The following CACNA2D3 variants were observed in gnomAD, a reference collection of about 807,000 sequenced individuals.
The protein encoded by CACNA2D3 is calcium voltage-gated channel auxiliary subunit alpha2delta 3, also known as voltage-dependent calcium channel subunit alpha-2/delta-3.
A neutral mutation model predicts 160.6 loss-of-function variants in CACNA2D3; 60 were observed. The observed-to-expected ratio is 0.37, with a 90% CI of 0.30 to 0.46. The LOEUF (loss-of-function observed/expected upper bound fraction) is 0.46. CACNA2D3 is among the 20% of genes least tolerant of loss of function. CACNA2D3 has a pLI of 1.00. For missense variants in CACNA2D3, 1,205 were observed against 1,365.0 expected (o/e 0.88, Z 1.85); for synonymous variants, 558 against 492.9 (o/e 1.13, Z -1.75).
At chr3:54,202,573 A>G (rs1437551675) in intron 2 of CACNA2D3, among the ~76,000 whole-genome samples, 1 of 152,180 alleles carries the variant, frequency 6.6e-6, no homozygotes, top group African/African-American at 2.4e-5. Context: ...TGGTCTATTT[A>G]CTATGATTAA....
At chr3:54,523,981 T>C (rs1160314325) in intron 5 of CACNA2D3, among the ~76,000 whole-genome samples, 1 of 152,040 alleles carries the variant, frequency 6.6e-6, no homozygotes, top group Non-Finnish European at 1.5e-5. Context: ...AAATATTTTT[T>C]TCTATTCTCA....
chr3:54,469,875 T>G (rs6762694), intron 4 of CACNA2D3, among the ~76,000 whole-genome samples: 8,813 of 151,704 alleles, frequency 0.058, 894 homozygotes, highest in African/African-American at 0.2. Flanking sequence ...AAGACAAGAT[T>G]AGAGAAAAAA....
chr3:54,260,653 C>T (rs1702385993), intron 2 of CACNA2D3, among the ~76,000 whole-genome samples: 1 of 152,212 alleles, frequency 6.6e-6, no homozygotes. Context: ...TAACAGTCTC[C>T]TTCCCCTCAC....
chr3:54,887,548 C>T (rs1323838362), intron 23 of CACNA2D3, among the ~76,000 whole-genome samples: 1 of 152,154 alleles, frequency 6.6e-6, no homozygotes, highest in Non-Finnish European at 1.5e-5. Flanking sequence ...TGACAACAGG[C>T]TGAGAATTTC....
intron 2 of CACNA2D3, among the ~76,000 whole-genome samples, chr3:54,291,264 C>T (rs1399917435): frequency 6.6e-6 from 1 of 152,134 alleles, no homozygotes; most frequent in Non-Finnish European, 1.5e-5. Context: ...TTCGTGTCTC[C>T]ACCATCACCA....
At chr3:54,945,506 A>G (rs1168973490) in intron 27 of CACNA2D3, among the ~76,000 whole-genome samples, 1 of 152,160 alleles carries the variant, frequency 6.6e-6, no homozygotes, top group African/African-American at 2.4e-5. Flanking sequence ...TTAGGTGCCT[A>G]TCCATAGGAA....
intron 13 of CACNA2D3, among the ~76,000 whole-genome samples, chr3:54,809,856 C>G (rs1559590573): frequency 6.6e-6 from 1 of 151,988 alleles, no homozygotes; most frequent in East Asian, 1.9e-4. Flanking sequence ...TAGGTATAGT[C>G]CCTAGGAATA....
intron 4 of CACNA2D3, among the ~76,000 whole-genome samples, chr3:54,434,604 G>A (rs1456648177): frequency 6.6e-6 from 1 of 152,212 alleles, no homozygotes; most frequent in African/African-American, 2.4e-5. Context: ...GCCATCTGAT[G>A]CGCAGGCAGC....
At chr3:54,744,094 G>A (rs1011886358) in intron 11 of CACNA2D3, among the ~76,000 whole-genome samples, 3 of 152,122 alleles carry the variant, frequency 2.0e-5, no homozygotes, top group African/African-American at 7.2e-5. Flanking sequence ...CAGGGCTCCT[G>A]ATTTCTCCAC....
In CACNA2D3 at chr3:54,540,100, C is replaced by G. The variant is rs539657201; in HGVS notation, c.545-22700C>G. ...TCCTACCAAGTGAGCCTCATCTCCTCTAATCAAGTGGTGGCCGGGCTATTG... is the reference window on the plus strand; with the variant it reads ...TCCTACCAAGTGAGCCTCATCTCCTGTAATCAAGTGGTGGCCGGGCTATTG... On this transcript the variant is annotated intron_variant, in intron 5 of 37. Coordinates refer to ENST00000474759, the MANE Select transcript of CACNA2D3 (RefSeq NM_018398.3). Among the ~76,000 whole-genome samples, 17 of 152,176 alleles carry G rather than the reference C, an allele frequency of 1.1e-4. 1 individual carries two copies. In the South Asian group the frequency reaches 3.5e-3, roughly 32 times the overall value.
At position 54,737,182 on chromosome 3, in the gene CACNA2D3, A is replaced by ATGTGTGTGTG. The variant is rs4025817; in HGVS notation, c.1168-15387_1168-15378dup. Among the ~76,000 whole-genome samples, 198 of 147,588 alleles carry ATGTGTGTGTG rather than the reference A, an allele frequency of 1.3e-3. 4 individuals are homozygous for ATGTGTGTGTG. Among genetic ancestry groups the ATGTGTGTGTG allele is most frequent in the South Asian group, 2.7e-3 (12 of 4,508 alleles). ...TCATGAAGCTTATATCCATGTGTAT[A>ATGTGTGTGTG]TGTGTGTGTGTGTGTGTGTGTGTGT... On this transcript the variant is annotated intron_variant, in intron 11 of 37. Coordinates refer to ENST00000474759, the MANE Select transcript of CACNA2D3 (RefSeq NM_018398.3).
intron 27 of CACNA2D3, among the ~76,000 whole-genome samples, chr3:54,943,332 G>A (rs778235209): frequency 5.8e-4 from 89 of 152,168 alleles, no homozygotes; most frequent in Non-Finnish European, 1.0e-3. Context: ...TAGTGTCTCT[G>A]TTTCTCACTG....
At chr3:54,171,151 T>TTTTTTTTTTTTTTTTTTG in intron 2 of CACNA2D3, among the ~76,000 whole-genome samples, 1 of 140,062 alleles carries the variant, frequency 7.1e-6, no homozygotes, top group Non-Finnish European at 1.6e-5. Context: ...TTTTTTTTTT[T>TTTTTTTTTTTTTTTTTTG]TTTTTTTAGG....
chr3:54,250,443 T>C (rs535331955), intron 2 of CACNA2D3, among the ~76,000 whole-genome samples: 144 of 152,252 alleles, frequency 9.5e-4, no homozygotes, highest in Non-Finnish European at 1.7e-3. Flanking sequence ...AAATAAATAC[T>C]TTTTTTAAGG....
At chr3:54,554,453 A>G (rs939738851) in intron 5 of CACNA2D3, among the ~76,000 whole-genome samples, 13 of 152,192 alleles carry the variant, frequency 8.5e-5, no homozygotes, top group Non-Finnish European at 1.5e-4. Context: ...GAAGAGAGAA[A>G]GAGACTTGCA....
chr3:54,481,530 A>G (rs1700932446), intron 4 of CACNA2D3, among the ~76,000 whole-genome samples: 1 of 152,182 alleles, frequency 6.6e-6, no homozygotes, highest in African/African-American at 2.4e-5. Flanking sequence ...GTGTGAAATG[A>G]TTGGTAACTG....
intron 27 of CACNA2D3, among the ~76,000 whole-genome samples, chr3:54,920,054 C>T (rs559130284): frequency 2.6e-5 from 4 of 152,302 alleles, no homozygotes; most frequent in African/African-American, 9.6e-5. Context: ...GCCATAAGCA[C>T]CTCCCCTAGG....
intron 30 of CACNA2D3, 140 bp from the exon 31 acceptor site, chr3:54,987,543 T>G (rs1702641941): frequency 1.8e-6 from 1 of 567,214 alleles, no homozygotes; most frequent in African/African-American, 1.9e-5. Flanking sequence ...TCATGACTGT[T>G]AAAACCTTTT....
chr3:54,849,406 C>T (rs995219994), intron 17 of CACNA2D3, among the ~76,000 whole-genome samples: 1 of 152,116 alleles, frequency 6.6e-6, no homozygotes, highest in Non-Finnish European at 1.5e-5. Flanking sequence ...ACCACCAGTC[C>T]CCTCAGCACA....
Sources: allele counts gnomAD v4.1 joint callset (sites outside exome capture counted in the v4.1 genomes callset), GRCh38; gene constraint gnomAD v4.1.1; transcripts MANE v1.5; gene names NCBI Gene and HGNC (gene_info 2026-07-23, HGNC 2026-07-21).